Variants in NEMP2 observed in about 807,000 individuals in gnomAD.
NEMP2 encodes nuclear envelope integral membrane protein 2.
NEMP2 carries 53 observed loss-of-function variants against 54.2 expected under a neutral mutation model. The observed-to-expected ratio is 0.98, with a 90% CI of 0.78 to 1.23. The LOEUF (loss-of-function observed/expected upper bound fraction) is 1.23, where lower values mean the gene tolerates loss of function less well. NEMP2 is among the 50% of genes most tolerant of loss of function. The pLI is 0.00. For missense variants in NEMP2, 455 were observed against 511.3 expected, an observed-to-expected ratio of 0.89 and a Z score of 1.06; for synonymous variants, 197 against 190.3, an observed-to-expected ratio of 1.04 and a Z score of -0.29.
At chr2:190,644,764 C>T in the NEMP2 span, among the ~76,000 whole-genome samples, 10 of 151,950 alleles carry the variant, frequency 6.6e-5, no homozygotes, top group Admixed American at 1.3e-4. This position sits in a 1 kb window ranked among gnomAD's most constrained non-coding sequence, Gnocchi z 4.4. Context: ...GGTGGGAGGA[C>T]GGAGAGAGGC....
At chr2:190,561,391 T>A in the NEMP2 span, among the ~76,000 whole-genome samples, 1 of 152,210 alleles carries the variant, frequency 6.6e-6, no homozygotes, top group African/African-American at 2.4e-5. This position sits in a 1 kb window ranked among gnomAD's most constrained non-coding sequence, Gnocchi z 5.4. Flanking sequence ...TTTCTCACAC[T>A]TCCAGAGGCT....
Position 190,533,156 on chromosome 2 carries a change from C to T in NEMP2, c.97+1403G>A, listed in dbSNP as rs1003815892. Among the ~76,000 whole-genome samples, 6 of 152,150 alleles carry T rather than the reference C, an allele frequency of 3.9e-5. No homozygotes were observed. The highest frequency in any genetic ancestry group is 6.5e-5 in the Admixed American group (1 of 15,274). On this transcript the variant is annotated intron_variant, in intron 1 of 8. Coordinates refer to ENST00000409150, the MANE Select transcript of NEMP2 (RefSeq NM_001142645.2). This position sits in a 1 kb window ranked among gnomAD's most constrained non-coding sequence, Gnocchi z 4.3. ...ATTTTACTCAAGAGAAAACTACGGTCCATAAAGACTCTGTGCCTGGACCAA... is the reference window on the plus strand; with the variant it reads ...ATTTTACTCAAGAGAAAACTACGGTTCATAAAGACTCTGTGCCTGGACCAA...
chr2:190,486,305 C>T, the NEMP2 span, among the ~76,000 whole-genome samples: 1 of 152,186 alleles, frequency 6.6e-6, no homozygotes, highest in Non-Finnish European at 1.5e-5. Context: ...TAGTTCATTC[C>T]CTCACTCTGA....
chr2:190,617,547 G>T, the NEMP2 span, among the ~76,000 whole-genome samples: 2,368 of 152,132 alleles, frequency 0.016, 35 homozygotes, highest in South Asian at 0.043. The surrounding 1 kb of genome is among the most constrained non-coding windows in gnomAD (Gnocchi z 5.0). Flanking sequence ...ATATCCAATG[G>T]AATGAAAAAG....
At chr2:190,442,329 C>T in the NEMP2 span, among the ~76,000 whole-genome samples, 3 of 152,014 alleles carry the variant, frequency 2.0e-5, no homozygotes, top group African/African-American at 7.3e-5. Flanking sequence ...GGGCTGAATA[C>T]TAAAGGGAAG....
the NEMP2 span, among the ~76,000 whole-genome samples, chr2:190,579,955 G>A: frequency 6.6e-6 from 1 of 152,182 alleles, no homozygotes; most frequent in Non-Finnish European, 1.5e-5. Context: ...GATGGTAGAG[G>A]AGTCCTCAGA....
At chr2:190,562,435 C>T in the NEMP2 span, among the ~76,000 whole-genome samples, 1 of 152,214 alleles carries the variant, frequency 6.6e-6, no homozygotes, top group African/African-American at 2.4e-5. This position sits in a 1 kb window ranked among gnomAD's most constrained non-coding sequence, Gnocchi z 5.0. Flanking sequence ...CTAGCTTCTT[C>T]CTCCAAGTTT....
chr2:190,482,868 C>CTTATTTTTTT, the NEMP2 span, among the ~76,000 whole-genome samples: 1 of 48,292 alleles, frequency 2.1e-5, no homozygotes, highest in Non-Finnish European at 3.8e-5. Context: ...AGACTATCAT[C>CTTATTTTTTT]TTTTTTTTTT....
At chr2:190,431,393 A>G in the NEMP2 span, among the ~76,000 whole-genome samples, 3 of 152,288 alleles carry the variant, frequency 2.0e-5, no homozygotes, top group South Asian at 6.2e-4. The surrounding 1 kb of genome is among the most constrained non-coding windows in gnomAD (Gnocchi z 4.4). Flanking sequence ...AGATCACCCC[A>G]CTGCACTCCA....
At chr2:190,425,753 A>G in the NEMP2 span, among the ~76,000 whole-genome samples, 1 of 151,946 alleles carries the variant, frequency 6.6e-6, no homozygotes, top group African/African-American at 2.4e-5. This position sits in a 1 kb window ranked among gnomAD's most constrained non-coding sequence, Gnocchi z 4.3. Flanking sequence ...CTCTTTTCTA[A>G]TATTTTCTTA....
At chr2:190,605,871 C>T in the NEMP2 span, among the ~76,000 whole-genome samples, 4 of 152,196 alleles carry the variant, frequency 2.6e-5, no homozygotes, top group Non-Finnish European at 4.4e-5. Context: ...GAACACATAC[C>T]GTTGTGCTTG....
the NEMP2 span, chr2:190,454,404 G>GAGATGGGA: frequency 6.6e-6 from 1 of 152,228 alleles, no homozygotes; most frequent in South Asian, 2.1e-4. The surrounding 1 kb of genome is among the most constrained non-coding windows in gnomAD (Gnocchi z 4.6). Flanking sequence ...ATGCTATTTA[G>GAGATGGGA]AGATGGGATC....
the NEMP2 span, among the ~76,000 whole-genome samples, chr2:190,543,059 A>G: frequency 2.6e-5 from 4 of 152,238 alleles, no homozygotes; most frequent in Admixed American, 2.6e-4. The surrounding 1 kb of genome is among the most constrained non-coding windows in gnomAD (Gnocchi z 4.7). Context: ...TAATTTATTT[A>G]TTGATAGTCT....
rs570796758 is a variant in NEMP2, at chr2:190,516,260, A to G, written c.727+10T>C. 2.6e-6 allele frequency: 4 copies of G among 1,532,286 alleles called. No individual in the cohort carries two copies. Among genetic ancestry groups the G allele is most frequent in the Admixed American group, 2.0e-5 (1 of 48,864 alleles). 94.9% of individuals were successfully genotyped at this position (1,532,286 alleles called of 1,614,324 possible). A position where few individuals can be genotyped will look rare whatever the true frequency, so the allele number is the denominator to read the frequency against. On this transcript the variant is annotated intron_variant, in intron 6 of 8. Coordinates refer to ENST00000409150, the MANE Select transcript of NEMP2 (RefSeq NM_001142645.2). ...CAATCACAGAGCATATTGTTTTTCTATTTACCTACCTAATACATATATCCT... is the reference window on the plus strand; with the variant it reads ...CAATCACAGAGCATATTGTTTTTCTGTTTACCTACCTAATACATATATCCT...
At chr2:190,606,689 G>A in the NEMP2 span, among the ~76,000 whole-genome samples, 7 of 152,102 alleles carry the variant, frequency 4.6e-5, no homozygotes, top group East Asian at 1.9e-4. Flanking sequence ...CCAGCCTGGC[G>A]ACACAGTGAG....
chr2:190,562,726 T>TA, the NEMP2 span, among the ~76,000 whole-genome samples: 3 of 151,992 alleles, frequency 2.0e-5, no homozygotes, highest in East Asian at 1.9e-4. The surrounding 1 kb of genome is among the most constrained non-coding windows in gnomAD (Gnocchi z 5.0). Context: ...CATATTTTTT[T>TA]AAATATCATG....
chr2:190,455,000 A>ATGTATATGTATATGTAT, the NEMP2 span, among the ~76,000 whole-genome samples: 759 of 46,596 alleles, frequency 0.016, 12 homozygotes, highest in African/African-American at 0.027. The surrounding 1 kb of genome is among the most constrained non-coding windows in gnomAD (Gnocchi z 4.6). Context: ...GTATATGTAT[A>ATGTATATGTATATGTAT]ATGTATATGT....
At chr2:190,564,991 G>C in the NEMP2 span, among the ~76,000 whole-genome samples, 1 of 152,206 alleles carries the variant, frequency 6.6e-6, no homozygotes, top group Non-Finnish European at 1.5e-5. This position sits in a 1 kb window ranked among gnomAD's most constrained non-coding sequence, Gnocchi z 4.2. Context: ...CCTGAAGGAA[G>C]CTCAAGACTT....
At chr2:190,445,266 C>G in the NEMP2 span, among the ~76,000 whole-genome samples, 1 of 152,100 alleles carries the variant, frequency 6.6e-6, no homozygotes, top group Non-Finnish European at 1.5e-5. Flanking sequence ...ATGCAAGAAG[C>G]AGTCGGAGAT....
Sources: allele counts gnomAD v4.1 joint callset (sites outside exome capture counted in the v4.1 genomes callset), GRCh38; gene constraint gnomAD v4.1.1; non-coding constraint Gnocchi (gnomAD v3.1); transcripts MANE v1.5; gene names NCBI Gene and HGNC (gene_info 2026-07-23, HGNC 2026-07-21).